CBX5: variants seen among roughly 807,000 people sequenced by gnomAD.
CBX5 encodes the protein chromobox protein homolog 5.
Under a neutral mutation model 20.7 loss-of-function variants are expected in CBX5, and 7 were observed. The observed-to-expected ratio is 0.34, with a 90% CI of 0.19 to 0.63. CBX5 has a LOEUF of 0.63. Ranked by LOEUF, CBX5 falls within the 30% of genes least tolerant of loss-of-function variation. The pLI, the probability that CBX5 is intolerant of heterozygous loss-of-function variation, is 0.75. For missense variants in CBX5, 110 were observed against 224.1 expected, an observed-to-expected ratio of 0.49 and a Z score of 3.25; for synonymous variants, 78 against 77.0, an observed-to-expected ratio of 1.01 and a Z score of -0.07.
At chr12:54,279,485 ACCGACTC>A (rs758458191) in intron 1 of CBX5, among the ~76,000 whole-genome samples, 13 of 152,166 alleles carry the variant, frequency 8.5e-5, no homozygotes, top group Non-Finnish European at 1.9e-4. Context: ...CATTACAGGC[ACCGACTC>A]CCCTTCCTCA....
chr12:54,250,833 A>G (rs7965133), intron 3 of CBX5, among the ~76,000 whole-genome samples: 111 of 145,426 alleles, frequency 7.6e-4, no homozygotes, highest in African/African-American at 2.8e-3. Context: ...AAAAAAAAAA[A>G]AAAAAAAAAA....
chr12:54,274,347 A>C (rs1228460932), intron 1 of CBX5: 1 of 152,226 alleles, frequency 6.6e-6, no homozygotes, highest in African/African-American at 2.4e-5. Context: ...ATTCTCTATA[A>C]GCAAGGAAGA....
At position 54,231,383 on chromosome 12, in the gene CBX5, T is replaced by C. The variant is rs1243408381; in HGVS notation, c.*10372A>G. ...CATGGGCAAGTCAACTCCTGGCTAC[T>C]TGGCAGGGAGTCAGACTGTGCTCTC... is the stretch of plus-strand genomic sequence containing the variant. On this transcript the variant is annotated 3_prime_UTR_variant, in exon 5 of 5. Transcript: ENST00000209875. The C allele has an allele frequency of 6.5e-6, 1 of 154,662 alleles. No homozygotes were observed. Among genetic ancestry groups the C allele is most frequent in the East Asian group, 1.9e-4 (1 of 5,202 alleles). 9.6% of individuals were successfully genotyped at this position (154,662 alleles called of 1,614,324 possible).
At position 54,235,011 on chromosome 12, in the gene CBX5, CAAGCAAA is replaced by C. The variant is rs1265989348; in HGVS notation, c.*6737_*6743del. The C allele has an allele frequency of 2.0e-5, 3 of 152,138 alleles. No homozygotes were observed. Among genetic ancestry groups the C allele is most frequent in the Non-Finnish European group, 4.4e-5 (3 of 68,022 alleles). The allele number at this position is 152,138 out of a possible 1,614,324, so 9.4% of individuals were successfully genotyped here. A position where few individuals can be genotyped will look rare whatever the true frequency, so the allele number is the denominator to read the frequency against. On this transcript the variant is annotated 3_prime_UTR_variant, in exon 5 of 5. Transcript: ENST00000209875. ...AGATTAAAATCCAAGAAAGTCAGCA[CAAGCAAA>C]AAGAAACCAGAATTGTTTTTATGAA...
At chr12:54,245,652 A>C (rs185504982) in intron 4 of CBX5, among the ~76,000 whole-genome samples, 1 of 152,134 alleles carries the variant, frequency 6.6e-6, no homozygotes, top group African/African-American at 2.4e-5. Context: ...GTAGCCAGGT[A>C]TGGTGGCACA....
chr12:54,276,130 G>A lies in CBX5; in HGVS notation c.-43+3878C>T, dbSNP rs919488456. Reference sequence around the variant, plus strand: ...ACACGACAGTAAACTAGAAAGTCTCGGTTTGGCTCCTATAATCTTTCAAAG... The same window carrying A: ...ACACGACAGTAAACTAGAAAGTCTCAGTTTGGCTCCTATAATCTTTCAAAG... On this transcript the variant is annotated intron_variant, in intron 1 of 4. Coordinates refer to ENST00000209875, the MANE Select transcript of CBX5 (RefSeq NM_012117.3). Among the ~76,000 whole-genome samples, 10 of 151,946 alleles carry A rather than the reference G, an allele frequency of 6.6e-5. No individual in the cohort carries two copies. In the South Asian group the frequency reaches 8.3e-4, roughly 13 times the overall value.
In CBX5 at chr12:54,277,795, G is replaced by A. The variant is rs151138369; in HGVS notation, c.-43+2213C>T. Among the ~76,000 whole-genome samples, 5 of 152,156 alleles carry A rather than the reference G, an allele frequency of 3.3e-5. 1 individual carries two copies. Among genetic ancestry groups the A allele is most frequent in the African/African-American group, 1.2e-4 (5 of 41,494 alleles). ...TCTCACCTTTACCTATTTTCCAATT[G>A]GTAAAATAATGGATTTTGAAAAAAT... On this transcript the variant is annotated intron_variant, in intron 1 of 4. Coordinates refer to ENST00000209875, the MANE Select transcript of CBX5 (RefSeq NM_012117.3).
rs1183264839 is a variant in CBX5, at chr12:54,231,052, G to A, written c.*10703C>T. 2 of 152,072 alleles carry A rather than the reference G, an allele frequency of 1.3e-5. No individual in the cohort carries two copies. The highest frequency in any genetic ancestry group is 3.8e-4 in the East Asian group (2 of 5,202). The allele number at this position is 152,072 out of a possible 1,614,324, so 9.4% of individuals were successfully genotyped here. A position where few individuals can be genotyped will look rare whatever the true frequency, so the allele number is the denominator to read the frequency against. Reference sequence around the variant, plus strand: ...GAGGTCTGCATCAGATGTCAGTTATGGAAACACATAAATGCTTACTTTTTA... The same window carrying A: ...GAGGTCTGCATCAGATGTCAGTTATAGAAACACATAAATGCTTACTTTTTA... On this transcript the variant is annotated 3_prime_UTR_variant, in exon 5 of 5. Coordinates refer to ENST00000209875, the MANE Select transcript of CBX5 (RefSeq NM_012117.3).
rs1324572239 is a variant in CBX5 at position 54,234,790 on chromosome 12, A to G, written c.*6965T>C. ...GATCACTTTCTTCCCATAAAACAAGACTTTAAACTATTTTAAAACATTTCT... is the reference window on the plus strand; with the variant it reads ...GATCACTTTCTTCCCATAAAACAAGGCTTTAAACTATTTTAAAACATTTCT... On this transcript the variant is annotated 3_prime_UTR_variant, in exon 5 of 5. Transcript: ENST00000209875. 6.6e-6 allele frequency: 1 copy of G among 152,228 alleles called. No individual in the cohort carries two copies. The highest frequency in any genetic ancestry group is 1.5e-5 in the Non-Finnish European group (1 of 68,042). 9.4% of individuals were successfully genotyped at this position (152,228 alleles called of 1,614,324 possible). A position where few individuals can be genotyped will look rare whatever the true frequency, so the allele number is the denominator to read the frequency against.
rs1457484014 is a variant in CBX5 at position 54,238,204 on chromosome 12, T to G, written c.*3551A>C. On this transcript the variant is annotated 3_prime_UTR_variant, in exon 5 of 5. Transcript: ENST00000209875. ...ACTCTGTCTAAAAAAAATAAATAAATAATAGAGGTGAATGTCTGCATTAGG... is the reference window on the plus strand; with the variant it reads ...ACTCTGTCTAAAAAAAATAAATAAAGAATAGAGGTGAATGTCTGCATTAGG... 2 of 151,670 alleles carry G rather than the reference T, an allele frequency of 1.3e-5. No individual in the cohort carries two copies. The highest frequency in any genetic ancestry group is 6.6e-5 in the Admixed American group (1 of 15,208). The allele number at this position is 151,670 out of a possible 1,614,324, so 9.4% of individuals were successfully genotyped here.
chr12:54,271,953 T>G (rs947448636), intron 1 of CBX5: 5 of 152,228 alleles, frequency 3.3e-5, no homozygotes, highest in Admixed American at 6.5e-5. Context: ...AGGCATAATT[T>G]ATTGTTGTGA....
intron 1 of CBX5, among the ~76,000 whole-genome samples, chr12:54,266,702 T>G (rs1445280476): frequency 6.6e-6 from 1 of 152,232 alleles, no homozygotes; most frequent in Non-Finnish European, 1.5e-5. Flanking sequence ...TTTTCAGAAC[T>G]GCTTGAAGGT....
rs550616961 is a variant in CBX5, at chr12:54,235,738, T to C, written c.*6017A>G. On this transcript the variant is annotated 3_prime_UTR_variant, in exon 5 of 5. Transcript: ENST00000209875. ...GAAAATCTCTTGTCATTGGAAAGCATGTCCGTTTTAGGCTTAAAGGCAGTT... is the reference window on the plus strand; with the variant it reads ...GAAAATCTCTTGTCATTGGAAAGCACGTCCGTTTTAGGCTTAAAGGCAGTT... 1.3e-5 allele frequency: 2 copies of C among 152,362 alleles called. No individual in the cohort carries two copies. Among genetic ancestry groups the C allele is most frequent in the Admixed American group, 1.3e-4 (2 of 15,310 alleles). The allele number at this position is 152,362 out of a possible 1,614,324, so 9.4% of individuals were successfully genotyped here.
intron 3 of CBX5, among the ~76,000 whole-genome samples, chr12:54,250,207 G>C (rs1230894546): frequency 2.0e-5 from 3 of 151,644 alleles, no homozygotes; most frequent in Non-Finnish European, 4.4e-5. Flanking sequence ...TGGGCAACAA[G>C]AGTGAAACTC....
chr12:54,241,845 T>G lies in CBX5; in HGVS notation c.486A>C (p.Gln162His). 1 of 1,613,986 alleles carries G rather than the reference T, an allele frequency of 6.2e-7. No individual in the cohort carries two copies. The highest frequency in any genetic ancestry group is 2.2e-5 in the East Asian group (1 of 44,876). The stretch of plus-strand genomic sequence containing the variant: ...TCTCTTCATAAAATGCTATCACAAT[T>G]TGTGGACATTTCACATTAGCTTCTT... ...LAKEANVKCP[Q>H]IVIAFYEERL... Residue 162 changes from glutamine (Q) to histidine (H), a missense_variant, in exon 5 of 5, where the codon CAA becomes CAC. By Grantham distance (24) the Gln-to-His change is conservative. Transcript: ENST00000209875.
At chr12:54,264,747 G>T (rs929468813) in intron 1 of CBX5, among the ~76,000 whole-genome samples, 1 of 152,074 alleles carries the variant, frequency 6.6e-6, no homozygotes, top group Non-Finnish European at 1.5e-5. Context: ...GGAGGCTGAG[G>T]TAGGAGAATC....
intron 1 of CBX5, among the ~76,000 whole-genome samples, chr12:54,279,390 T>TA (rs1333419405): frequency 2.0e-5 from 3 of 152,090 alleles, no homozygotes; most frequent in Admixed American, 2.0e-4. Flanking sequence ...GGAGCAAACT[T>TA]ACGCTTTCAA....
intron 2 of CBX5, 104 bp from the exon 3 acceptor site, chr12:54,252,331 A>C (rs1943814686): frequency 1.1e-5 from 8 of 717,646 alleles, no homozygotes; most frequent in Non-Finnish European, 1.8e-5. Flanking sequence ...CAAAAAGGAC[A>C]GAGAAACCCT....
chr12:54,272,075 AC>A (rs1237067825), intron 1 of CBX5: 1 of 152,240 alleles, frequency 6.6e-6, no homozygotes, highest in Non-Finnish European at 1.5e-5. Context: ...TGTCTTAAAA[AC>A]AAAACTTAAG....
Sources: gnomAD v4.1 joint callset for allele counts (sites outside exome capture counted in the v4.1 genomes callset) on GRCh38, gnomAD v4.1.1 for gene constraint, MANE v1.5 for transcripts, NCBI Gene and HGNC (gene_info 2026-07-23, HGNC 2026-07-21) for gene names.